RYK: variants seen among roughly 807,000 people sequenced by gnomAD.
RYK encodes receptor like tyrosine kinase.
In RYK, 21 loss-of-function variants were observed where a neutral mutation model predicts 70.2. That is an observed-to-expected ratio of 0.30 (90% CI 0.21 to 0.43). RYK has a LOEUF of 0.43. Among genes scored for constraint, RYK ranks in the 20% least tolerant of loss-of-function variants. RYK has a pLI of 1.00. For synonymous variants in RYK, 267 were observed against 278.0 expected (o/e 0.96, Z 0.39); for missense variants, 604 against 753.3 (o/e 0.80, Z 2.32).
chr3:134,176,961 C>A (rs769122698), intron 11 of RYK, among the ~76,000 whole-genome samples: 1 of 151,986 alleles, frequency 6.6e-6, no homozygotes, highest in African/African-American at 2.4e-5. Context: ...GGCAGGAGAA[C>A]GGCGTGAACC....
At chr3:134,199,292 T>C (rs943506764) in intron 6 of RYK, among the ~76,000 whole-genome samples, 2 of 152,252 alleles carry the variant, frequency 1.3e-5, no homozygotes, top group African/African-American at 4.8e-5. Flanking sequence ...ACCATCCCTT[T>C]CTAATGAATT....
At chr3:134,241,251 T>A (rs933626680) in intron 1 of RYK, among the ~76,000 whole-genome samples, 1 of 151,434 alleles carries the variant, frequency 6.6e-6, no homozygotes, top group South Asian at 2.1e-4. Context: ...TCAGGAGCCT[T>A]AGGCACGACA....
intron 5 of RYK, among the ~76,000 whole-genome samples, chr3:134,203,227 A>T (rs1205746979): frequency 6.6e-6 from 1 of 152,130 alleles, no homozygotes; most frequent in Non-Finnish European, 1.5e-5. Flanking sequence ...AGGCACCTGT[A>T]ATCCTAGCTA....
chr3:134,183,119 T>C (rs1487977036), intron 9 of RYK, 48 bp from the exon 10 acceptor site: 5 of 1,113,838 alleles, frequency 4.5e-6, no homozygotes, highest in South Asian at 3.1e-5. Flanking sequence ...ACTACATATA[T>C]GGCATTAACA....
chr3:134,204,591 CCACACACACACA>C (rs59154111), intron 5 of RYK, among the ~76,000 whole-genome samples: 27 of 140,768 alleles, frequency 1.9e-4, no homozygotes, highest in South Asian at 1.4e-3. Context: ...ACAGCCACAG[CCACACACACACA>C]CACACACACA....
chr3:134,233,309 C>A (rs1205806826), intron 1 of RYK, among the ~76,000 whole-genome samples: 1 of 152,098 alleles, frequency 6.6e-6, no homozygotes, highest in African/African-American at 2.4e-5. Context: ...AATAGGTAAA[C>A]TTGAAGGGTT....
At chr3:134,202,589 G>C in intron 6 of RYK, 141 bp downstream of exon 6, 2 of 616,142 alleles carry the variant, frequency 3.2e-6, no homozygotes, top group Non-Finnish European at 5.5e-6. Context: ...ACAGTGATTA[G>C]GTCATCTTAT....
chr3:134,226,698 T>C (rs995017866), intron 1 of RYK, among the ~76,000 whole-genome samples: 15 of 152,132 alleles, frequency 9.9e-5, no homozygotes, highest in Admixed American at 3.3e-4. Context: ...TAATTTACCA[T>C]ATTAACAAAA....
At chr3:134,187,291 T>G (rs755481098) in intron 9 of RYK, among the ~76,000 whole-genome samples, 1 of 152,206 alleles carries the variant, frequency 6.6e-6, no homozygotes, top group Admixed American at 6.5e-5. Flanking sequence ...CCTTCATACT[T>G]TCCATGTATT....
chr3:134,241,667 G>C (rs1489748845), intron 1 of RYK, among the ~76,000 whole-genome samples: 1 of 152,170 alleles, frequency 6.6e-6, no homozygotes, highest in Non-Finnish European at 1.5e-5. Context: ...GTTTGTTAAA[G>C]CTTCTCAGAT....
At chr3:134,221,622 A>G (rs959575285) in intron 2 of RYK, among the ~76,000 whole-genome samples, 3 of 152,212 alleles carry the variant, frequency 2.0e-5, no homozygotes, top group African/African-American at 7.2e-5. Flanking sequence ...GCCAATTTAA[A>G]TAACTTGGAG....
chr3:134,201,113 A>C (rs751133519), intron 6 of RYK, among the ~76,000 whole-genome samples: 8 of 152,208 alleles, frequency 5.3e-5, no homozygotes, highest in Non-Finnish European at 1.2e-4. Context: ...ATCCTCTCTC[A>C]AAGTCCTATC....
rs1005658122 is a variant in RYK at position 134,210,457 on chromosome 3, T to C, written c.455-628A>G. Among the ~76,000 whole-genome samples the C allele has an allele frequency of 4.6e-5, 7 of 152,200 alleles. 1 individual carries two copies. The highest frequency in any genetic ancestry group is 1.4e-4 in the African/African-American group (6 of 41,454). ...AAATTTAAAACCTATCATTCTACCATCTGTATGACTGCATTAAAGATATGG... is the reference window on the plus strand; with the variant it reads ...AAATTTAAAACCTATCATTCTACCACCTGTATGACTGCATTAAAGATATGG... On this transcript the variant is annotated intron_variant, in intron 3 of 14. Coordinates refer to ENST00000623711, the MANE Select transcript of RYK (RefSeq NM_002958.4).
intron 13 of RYK, chr3:134,170,661 T>C (rs2012869307): frequency 6.6e-6 from 1 of 152,640 alleles, no homozygotes; most frequent in Non-Finnish European, 1.5e-5. Context: ...GAAGTCTAAA[T>C]CTGATGAAAT....
chr3:134,177,902 T>C, intron 11 of RYK, 39 bp downstream of exon 11: 1 of 1,560,518 alleles, frequency 6.4e-7, no homozygotes, highest in Non-Finnish European at 8.8e-7. Context: ...TATCAGAAAC[T>C]ACTGGTAAAT....
intron 1 of RYK, among the ~76,000 whole-genome samples, chr3:134,237,455 G>A (rs1454007354): frequency 6.6e-6 from 1 of 152,150 alleles, no homozygotes. Flanking sequence ...ATGGCTGGCT[G>A]TCGATAAAAG....
chr3:134,225,741 TA>T (rs1299435999), intron 1 of RYK, among the ~76,000 whole-genome samples: 5 of 151,982 alleles, frequency 3.3e-5, no homozygotes, highest in Admixed American at 3.3e-4. Context: ...CCTGTAGTAC[TA>T]ACTACTCAGG....
intron 1 of RYK, among the ~76,000 whole-genome samples, chr3:134,238,843 AG>A (rs1223334365): frequency 2.6e-5 from 4 of 152,250 alleles, no homozygotes; most frequent in South Asian, 2.1e-4. Flanking sequence ...TAGACTGGAT[AG>A]GACAGCAGGT....
chr3:134,207,600 G>T, intron 4 of RYK, 75 bp from the exon 5 acceptor site: 1 of 967,082 alleles, frequency 1.0e-6, no homozygotes, highest in South Asian at 1.6e-5. Context: ...ATAATTATCA[G>T]AACATTGCTG....
Sources: allele counts gnomAD v4.1 joint callset (sites outside exome capture counted in the v4.1 genomes callset), GRCh38; gene constraint gnomAD v4.1.1; transcripts MANE v1.5; gene names NCBI Gene and HGNC (gene_info 2026-07-23, HGNC 2026-07-21).